ZNF536: variants seen among roughly 807,000 people sequenced by gnomAD.
ZNF536 encodes the protein zinc finger protein 536.
In ZNF536, 13 loss-of-function variants were observed where a neutral mutation model predicts 84.5. The observed-to-expected ratio is 0.15, with a 90% confidence interval of 0.10 to 0.24. The LOEUF (loss-of-function observed/expected upper bound fraction) is 0.24, where lower values mean the gene tolerates loss of function less well. Ranked by LOEUF, ZNF536 falls within the 10% of genes least tolerant of loss-of-function variation. The probability of loss-of-function intolerance (pLI) is 1.00; values close to 1 mark genes in which losing one functional copy is unlikely to be tolerated. For missense variants in ZNF536, 1,536 were observed against 1,747.5 expected (o/e 0.88, Z 2.16); for synonymous variants, 811 against 742.5 (o/e 1.09, Z -1.50).
At chr19:30,258,262 A>G (rs367964478) in intron 1 of ZNF536, among the ~76,000 whole-genome samples, 1 of 152,058 alleles carries the variant, frequency 6.6e-6, no homozygotes, top group South Asian at 2.1e-4. Context: ...ACTTCCAATG[A>G]CTCTGGTGAC....
chr19:30,472,359 G>A (rs1486901023), intron 2 of ZNF536, among the ~76,000 whole-genome samples: 3 of 152,200 alleles, frequency 2.0e-5, no homozygotes, highest in African/African-American at 7.2e-5. Context: ...ACATTGCTTT[G>A]TAGGCTTGTA....
chr19:30,341,742 A>G (rs1182237641), intron 2 of ZNF536, among the ~76,000 whole-genome samples: 1 of 152,136 alleles, frequency 6.6e-6, no homozygotes, highest in Non-Finnish European at 1.5e-5. Context: ...GGCATTAATC[A>G]AAAACAATAA....
At chr19:30,403,034 G>A (rs1231580091) in intron 1 of ZNF536, among the ~76,000 whole-genome samples, 2 of 151,956 alleles carry the variant, frequency 1.3e-5, no homozygotes, top group Non-Finnish European at 2.9e-5. Context: ...TGGTAGGAAT[G>A]CCTGCAACTC....
exon 2 of ZNF536, chr19:30,713,181 C>T (rs2052504432): frequency 6.6e-6 from 1 of 152,218 alleles, no homozygotes; most frequent in Admixed American, 6.5e-5. Context: ...CCCTCTGACA[C>T]AGGCCTTCTT....
chr19:30,641,549 A>T (rs2049268689), intron 1 of ZNF536, among the ~76,000 whole-genome samples: 1 of 152,198 alleles, frequency 6.6e-6, no homozygotes, highest in South Asian at 2.1e-4. Context: ...GAATATGTCG[A>T]CTGTTTCCAA....
At chr19:30,474,972 C>T (rs1446781024) in intron 2 of ZNF536, among the ~76,000 whole-genome samples, 2 of 151,228 alleles carry the variant, frequency 1.3e-5, no homozygotes, top group Non-Finnish European at 2.9e-5. Flanking sequence ...TCTCTCTCTC[C>T]TTTCTTCCTT....
chr19:30,397,713 C>A (rs2049879157), intron 1 of ZNF536, among the ~76,000 whole-genome samples: 1 of 152,162 alleles, frequency 6.6e-6, no homozygotes, highest in Non-Finnish European at 1.5e-5. Flanking sequence ...GATTTCAGTA[C>A]TAGAAGCCAA....
At chr19:30,650,777 C>T (rs565093684) in intron 1 of ZNF536, among the ~76,000 whole-genome samples, 3 of 152,152 alleles carry the variant, frequency 2.0e-5, no homozygotes, top group Non-Finnish European at 2.9e-5. Context: ...CTCAATTTAG[C>T]GAGAAATCAT....
intron 1 of ZNF536, among the ~76,000 whole-genome samples, chr19:30,590,145 C>T (rs1243819120): frequency 6.6e-6 from 1 of 152,158 alleles, no homozygotes; most frequent in East Asian, 1.9e-4. Flanking sequence ...CCATGTCAAC[C>T]CATGGAGGTT....
intron 1 of ZNF536, among the ~76,000 whole-genome samples, chr19:30,269,128 T>A (rs1282455313): frequency 1.3e-5 from 2 of 152,224 alleles, no homozygotes; most frequent in East Asian, 3.8e-4. Context: ...GAATGTGACT[T>A]AAGGCAAGCA....
chr19:30,636,846 C>A (rs1424805971), intron 1 of ZNF536, among the ~76,000 whole-genome samples: 6 of 152,110 alleles, frequency 3.9e-5, no homozygotes, highest in Admixed American at 3.9e-4. Flanking sequence ...TGGTCCCTGG[C>A]CTCATGTTTT....
intron 1 of ZNF536, among the ~76,000 whole-genome samples, chr19:30,275,727 G>A (rs780937818): frequency 3.3e-5 from 5 of 152,142 alleles, no homozygotes; most frequent in Non-Finnish European, 7.3e-5. Context: ...AAGTGAGATT[G>A]CGTGTCAATG....
rs2148230798 is a variant in ZNF536, at chr19:30,445,590, T to C, written c.2028T>C (p.Ser676=). The stretch of plus-strand genomic sequence containing the variant: ...TGGATGAGCGGCGTGGCTCGGGCAG[T>C]GACCAGGAGTCCCAGTCGGTGAGCC... ...VGLDERRGSG[S]DQESQSVSRS... The change falls in exon 2 of 5, where the codon AGT becomes AGC. Residue 676 remains serine, a synonymous_variant. Transcript: ENST00000355537. The surrounding 1 kb of genome is among the most constrained non-coding windows in gnomAD (Gnocchi z 4.5). 6.2e-7 allele frequency: 1 copy of C among 1,612,950 alleles called. No individual in the cohort carries two copies. The highest frequency in any genetic ancestry group is 1.3e-5 in the African/African-American group (1 of 75,022).
chr19:30,695,232 G>A (rs2051606768), intron 1 of ZNF536, among the ~76,000 whole-genome samples: 1 of 152,112 alleles, frequency 6.6e-6, no homozygotes, highest in South Asian at 2.1e-4. Flanking sequence ...GGCCTGCACG[G>A]AGGAAGGAAG....
At chr19:30,626,835 G>A (rs921385184) in intron 1 of ZNF536, among the ~76,000 whole-genome samples, 1 of 152,196 alleles carries the variant, frequency 6.6e-6, no homozygotes, top group African/African-American at 2.4e-5. Context: ...CCTGCTCCCC[G>A]CACGGCCCCC....
intron 1 of ZNF536, among the ~76,000 whole-genome samples, chr19:30,580,280 G>T (rs193115580): frequency 6.6e-6 from 1 of 152,164 alleles, no homozygotes; most frequent in Admixed American, 6.5e-5. Flanking sequence ...ATGCTTTCTG[G>T]TTTGTGCTAC....
intron 1 of ZNF536, among the ~76,000 whole-genome samples, chr19:30,434,793 ATGATGATGGTGATGG>A (rs1210658924): frequency 6.6e-6 from 1 of 151,744 alleles, no homozygotes; most frequent in South Asian, 2.1e-4. Flanking sequence ...GATGACGACG[ATGATGATGGTGATGG>A]TGATGATGGT....
chr19:30,229,622 G>A (rs1229554080), intron 1 of ZNF536, among the ~76,000 whole-genome samples: 1 of 152,186 alleles, frequency 6.6e-6, no homozygotes, highest in Admixed American at 6.5e-5. Flanking sequence ...CGCCCCTGCA[G>A]CCCTCTGGCC....
rs1049984998 is a variant in ZNF536 at position 30,510,708 on chromosome 19, G to T, written c.2171-24139G>T. Among the ~76,000 whole-genome samples, 5 of 152,200 alleles carry T rather than the reference G, an allele frequency of 3.3e-5. No homozygotes were observed. In the East Asian group the frequency reaches 9.6e-4, roughly 29 times the overall value. Reference sequence around the variant, plus strand: ...GAGCTTCCTGGAAAGCTAGAAGTAGGTGGCTCTCAGCCCAGATGCATCCTC... The same window carrying T: ...GAGCTTCCTGGAAAGCTAGAAGTAGTTGGCTCTCAGCCCAGATGCATCCTC... On this transcript the variant is annotated intron_variant, in intron 2 of 4. Transcript: ENST00000355537.
Sources: gnomAD v4.1 joint callset for allele counts (sites outside exome capture counted in the v4.1 genomes callset) on GRCh38, gnomAD v4.1.1 for gene constraint, Gnocchi (gnomAD v3.1) non-coding constraint, MANE v1.5 for transcripts, NCBI Gene and HGNC (gene_info 2026-07-23, HGNC 2026-07-21) for gene names.